The following SPAG16 variants were observed in gnomAD, a reference collection of about 807,000 sequenced individuals.
The protein encoded by SPAG16 is sperm-associated antigen 16 protein.
In SPAG16, 86 loss-of-function variants were observed where a neutral mutation model predicts 80.4. The ratio of observed to expected loss-of-function variants is 1.07; its 90% CI spans 0.90 to 1.28. The LOEUF (loss-of-function observed/expected upper bound fraction) is 1.28. Ranked by LOEUF, SPAG16 falls within the 50% of genes most tolerant of loss-of-function variation. The pLI, the probability that SPAG16 is intolerant of heterozygous loss-of-function variation, is 0.00. For missense variants in SPAG16, 870 were observed against 765.3 expected, an observed-to-expected ratio of 1.14 and a Z score of -1.61; for synonymous variants, 294 against 265.9, an observed-to-expected ratio of 1.11 and a Z score of -1.03.
chr2:214,012,006 G>A (rs887858744), intron 12 of SPAG16, among the ~76,000 whole-genome samples: 2 of 151,706 alleles, frequency 1.3e-5, no homozygotes, highest in Non-Finnish European at 2.9e-5. Flanking sequence ...ATCACCGAGT[G>A]CATCAGGTAA....
At chr2:213,351,181 T>G (rs943767350) in intron 7 of SPAG16, among the ~76,000 whole-genome samples, 1 of 152,084 alleles carries the variant, frequency 6.6e-6, no homozygotes, top group Non-Finnish European at 1.5e-5. Flanking sequence ...AATTGAGACA[T>G]AAATTTATAG....
chr2:213,519,757 G>A (rs536460772), intron 10 of SPAG16, among the ~76,000 whole-genome samples: 1 of 149,144 alleles, frequency 6.7e-6, no homozygotes, highest in South Asian at 2.1e-4. Flanking sequence ...TTCTTCTGTA[G>A]CAATCATACA....
At chr2:213,614,626 G>T (rs145903509) in intron 10 of SPAG16, among the ~76,000 whole-genome samples, 358 of 152,252 alleles carry the variant, frequency 2.4e-3, no homozygotes, top group South Asian at 5.0e-3. Context: ...TGTTGATAAG[G>T]TTGACCACAA....
intron 7 of SPAG16, among the ~76,000 whole-genome samples, chr2:213,359,243 TGAG>T (rs1182546459): frequency 1.3e-5 from 2 of 152,178 alleles, no homozygotes; most frequent in African/African-American, 2.4e-5. Flanking sequence ...GGGACCCACT[TGAG>T]GAGGCAGTCC....
At chr2:214,312,709 T>A (rs1404082692) in intron 15 of SPAG16, among the ~76,000 whole-genome samples, 7 of 152,266 alleles carry the variant, frequency 4.6e-5, no homozygotes, top group South Asian at 4.1e-4. Flanking sequence ...CATTGGGTTA[T>A]TTTTTTGGCT....
intron 15 of SPAG16, among the ~76,000 whole-genome samples, chr2:214,166,356 C>T (rs112326187): frequency 5.9e-5 from 9 of 152,264 alleles, no homozygotes; most frequent in African/African-American, 1.9e-4. Flanking sequence ...ATGGGAGGCA[C>T]TTACAGGAGA....
intron 14 of SPAG16, among the ~76,000 whole-genome samples, chr2:214,148,707 T>C (rs2055792646): frequency 1.3e-5 from 2 of 152,100 alleles, no homozygotes; most frequent in Admixed American, 6.6e-5. Flanking sequence ...GAGATATGCA[T>C]GTGGTATAAT....
intron 3 of SPAG16, among the ~76,000 whole-genome samples, chr2:213,301,231 A>G (rs2062728737): frequency 7.0e-6 from 1 of 142,890 alleles, no homozygotes; most frequent in Admixed American, 6.9e-5. Context: ...CTCTCCATGT[A>G]CACACTTAAT....
chr2:213,528,273 A>G (rs1273798905), intron 10 of SPAG16, among the ~76,000 whole-genome samples: 1 of 152,108 alleles, frequency 6.6e-6, no homozygotes, highest in African/African-American at 2.4e-5. Flanking sequence ...CTAAGATACT[A>G]TTATAATACC....
At position 214,007,594 on chromosome 2, in the gene SPAG16, A is replaced by G. The variant is rs140412569; in HGVS notation, c.1401-6357A>G. ...GACTTTATCAGGTTTTATTTATCTAAAAAATGTTTTATTCTCGTTATTGAA... is the reference window on the plus strand; with the variant it reads ...GACTTTATCAGGTTTTATTTATCTAGAAAATGTTTTATTCTCGTTATTGAA... On this transcript the variant is annotated intron_variant, in intron 12 of 15. Transcript: ENST00000331683. Among the ~76,000 whole-genome samples the G allele has an allele frequency of 1.5e-3, 228 of 152,290 alleles. 3 individuals carry two copies. The highest frequency in any genetic ancestry group is 6.2e-3 in the Admixed American group (94 of 15,284).
chr2:213,937,532 A>C (rs1285728823), intron 12 of SPAG16, among the ~76,000 whole-genome samples: 1 of 152,080 alleles, frequency 6.6e-6, no homozygotes, highest in African/African-American at 2.4e-5. Flanking sequence ...AAGTACATTC[A>C]AATGAATTGT....
chr2:213,340,761 G>T (rs539915320), intron 6 of SPAG16, among the ~76,000 whole-genome samples: 2 of 152,240 alleles, frequency 1.3e-5, no homozygotes, highest in Admixed American at 6.5e-5. Flanking sequence ...CTATGAATTT[G>T]TAAGTCTTTT....
chr2:213,797,276 A>G (rs918660010), intron 10 of SPAG16, among the ~76,000 whole-genome samples: 10 of 152,154 alleles, frequency 6.6e-5, no homozygotes, highest in African/African-American at 2.4e-4. Flanking sequence ...CTAAGTATAT[A>G]GTATTTATAA....
At chr2:213,735,713 T>A (rs2067251833) in intron 10 of SPAG16, among the ~76,000 whole-genome samples, 1 of 152,200 alleles carries the variant, frequency 6.6e-6, no homozygotes, top group South Asian at 2.1e-4. Flanking sequence ...GGGGAATGGG[T>A]GGGAAATATG....
At chr2:213,368,920 A>C (rs187391787) in intron 8 of SPAG16, among the ~76,000 whole-genome samples, 55 of 152,346 alleles carry the variant, frequency 3.6e-4, no homozygotes, top group African/African-American at 1.2e-3. Context: ...AAGAGGACAC[A>C]AACAAATGGA....
At chr2:213,724,376 A>G (rs1441391151) in intron 10 of SPAG16, among the ~76,000 whole-genome samples, 4 of 152,200 alleles carry the variant, frequency 2.6e-5, no homozygotes. Context: ...TAGAAGAAAG[A>G]TAAGACTAAA....
At chr2:213,996,561 TA>T in intron 12 of SPAG16, among the ~76,000 whole-genome samples, 1 of 149,050 alleles carries the variant, frequency 6.7e-6, no homozygotes, top group Non-Finnish European at 1.5e-5. Flanking sequence ...CTACTAATGC[TA>T]TTCTTTTTTT....
intron 9 of SPAG16, among the ~76,000 whole-genome samples, chr2:213,381,763 A>G (rs1005220087): frequency 3.3e-5 from 5 of 152,188 alleles, no homozygotes; most frequent in Non-Finnish European, 7.3e-5. Context: ...ATTTCCTTAG[A>G]TCTTATCTCA....
intron 13 of SPAG16, among the ~76,000 whole-genome samples, chr2:214,104,161 A>G (rs2053244179): frequency 1.3e-5 from 2 of 152,180 alleles, no homozygotes; most frequent in South Asian, 4.1e-4. Flanking sequence ...CTCAGGTGCC[A>G]GAACTCTGCT....
Sources: gnomAD v4.1 joint callset for allele counts (sites outside exome capture counted in the v4.1 genomes callset) on GRCh38, gnomAD v4.1.1 for gene constraint, MANE v1.5 for transcripts, NCBI Gene and HGNC (gene_info 2026-07-23, HGNC 2026-07-21) for gene names.